The following SAMD11 variants were observed in gnomAD, a reference collection of about 807,000 sequenced individuals.
SAMD11 encodes the protein sterile alpha motif domain containing 11, also known as sterile alpha motif domain-containing protein 11.
A neutral mutation model predicts 64.4 loss-of-function variants in SAMD11; 77 were observed. The ratio of observed to expected loss-of-function variants is 1.20; its 90% confidence interval spans 0.99 to 1.44. The LOEUF is 1.44. Ranked by LOEUF, SAMD11 falls within the 40% of genes most tolerant of loss-of-function variation. The pLI is 0.00. For synonymous variants in SAMD11, 658 were observed against 421.9 expected, an observed-to-expected ratio of 1.56 and a Z score of -6.86; for missense variants, 1,402 against 943.3, an observed-to-expected ratio of 1.49 and a Z score of -6.37.
intron 4 of SAMD11, among the ~76,000 whole-genome samples, chr1:933,222 G>C (rs1309388323): frequency 6.6e-6 from 1 of 152,220 alleles, no homozygotes; most frequent in African/African-American, 2.4e-5. Flanking sequence ...ACTCTGGGAC[G>C]TCCAGGGCGT....
Position 942,965 on chromosome 1 carries a change from G to A in SAMD11, c.1960G>A (p.Ala654Thr). 1 of 1,543,754 alleles carries A rather than the reference G, an allele frequency of 6.5e-7. No homozygotes were observed. The highest frequency in any genetic ancestry group is 8.7e-7 in the Non-Finnish European group (1 of 1,146,112). Residue 654 changes from alanine (A) to threonine (T), a missense_variant, in exon 11 of 14, where the codon GCT becomes ACT. Transcript: ENST00000616016. ...CRGPTPGQAP[A>T]GGAGAEGKGL... is the part of the protein sequence containing the mutation. ...GGGGCCCACTCCGGGCCAAGCTCCA[G>A]CTGGAGGGGCCGGCGCCGAGGGGAA...
chr1:943,149 T>C (rs1641902828), intron 11 of SAMD11, 91 bp downstream of exon 11: 2 of 1,584,180 alleles, frequency 1.3e-6, no homozygotes, highest in Non-Finnish European at 8.6e-7. Flanking sequence ...AAATTCCCCT[T>C]AGGCACCCAT....
intron 5 of SAMD11, among the ~76,000 whole-genome samples, chr1:937,404 C>A (rs866847103): frequency 0.088 from 13,241 of 150,474 alleles, 1,134 homozygotes; most frequent in East Asian, 0.28. Flanking sequence ...CTGCCCCCCC[C>A]CCCACCCAGT....
At chr1:929,907 G>C (rs981689629) in intron 2 of SAMD11, among the ~76,000 whole-genome samples, 4 of 152,302 alleles carry the variant, frequency 2.6e-5, no homozygotes, top group Non-Finnish European at 5.9e-5. Context: ...CTGCGGCCCC[G>C]TCTCTCGGCT....
At chr1:935,414 C>T (rs1569887373) in intron 4 of SAMD11, among the ~76,000 whole-genome samples, 2 of 141,240 alleles carry the variant, frequency 1.4e-5, no homozygotes. Context: ...AGCAGATCGG[C>T]CTCTTCCCGG....
chr1:942,002 A>G (rs1641800818), intron 8 of SAMD11, 134 bp from the exon 9 acceptor site: 1 of 401,290 alleles, frequency 2.5e-6, no homozygotes, highest in Admixed American at 4.5e-5. Context: ...ATGGCGCGCG[A>G]CCTGGGGCCG....
chr1:938,315 G>A (rs755646670), intron 5 of SAMD11, among the ~76,000 whole-genome samples: 1 of 152,140 alleles, frequency 6.6e-6, no homozygotes, highest in Admixed American at 6.5e-5. Context: ...CACCTGCTGG[G>A]CTGTGTTTGG....
chr1:927,805 G>A (rs927539098), intron 2 of SAMD11, among the ~76,000 whole-genome samples: 2 of 152,244 alleles, frequency 1.3e-5, no homozygotes, highest in Admixed American at 6.5e-5. Context: ...TGTGGAGGAG[G>A]TGTGTTCTGT....
At chr1:935,579 G>A (rs1342695616) in intron 4 of SAMD11, among the ~76,000 whole-genome samples, 193 bp from the exon 5 acceptor site, 2 of 152,198 alleles carry the variant, frequency 1.3e-5, no homozygotes, top group South Asian at 2.1e-4. Flanking sequence ...GTTCTGTGTC[G>A]CTTTGACTCG....
intron 5 of SAMD11, among the ~76,000 whole-genome samples, chr1:938,191 G>C (rs2100339914): frequency 1.3e-5 from 2 of 152,298 alleles, no homozygotes; most frequent in South Asian, 4.1e-4. Context: ...CGGTCGGCAG[G>C]ACCCAAGGGA....
At chr1:926,144 G>T in intron 2 of SAMD11, 131 bp downstream of exon 2, 1 of 865,746 alleles carries the variant, frequency 1.2e-6, no homozygotes. Context: ...AGCCTCCGAA[G>T]GGCAGGGGGA....
At chr1:926,954 A>G (rs964004922) in intron 2 of SAMD11, among the ~76,000 whole-genome samples, 1 of 152,126 alleles carries the variant, frequency 6.6e-6, no homozygotes, top group Non-Finnish European at 1.5e-5. Flanking sequence ...GGCCTGAGGT[A>G]GGATGGGGGA....
rs1174041534 is a variant in SAMD11, at chr1:943,941, G to C, written c.2323G>C (p.Ala775Pro). 6.2e-7 allele frequency: 1 copy of C among 1,612,656 alleles called. No homozygotes were observed. Among genetic ancestry groups the C allele is most frequent in the Non-Finnish European group, 8.5e-7 (1 of 1,179,818 alleles). ...ARRLGRVFYVASFPVALPLQP... is the reference protein window; with the variant it reads ...ARRLGRVFYVPSFPVALPLQP... The stretch of plus-strand genomic sequence containing the variant: ...GCGCCTGGGCCGAGTTTTCTACGTG[G>C]CCAGCTTCCCCGTGGCTCTGCCACT... Residue 775 changes from alanine to proline, a missense_variant, in exon 14 of 14, where the codon GCC (alanine) becomes CCC (proline). Transcript: ENST00000616016.
At position 943,267 on chromosome 1, in the gene SAMD11, C is replaced by G. The variant is rs1350670813; in HGVS notation, c.2068C>G (p.Leu690Val). The G allele has an allele frequency of 1.9e-6, 3 of 1,612,776 alleles. No individual in the cohort carries two copies. The highest frequency in any genetic ancestry group is 2.7e-5 in the African/African-American group (2 of 74,922). ...PYFHTGAVGGLSMDGEEAPAP... is the reference protein window; with the variant it reads ...PYFHTGAVGGVSMDGEEAPAP... ...CCACAACTCAGGCGCGGTAGGGGGACTCTCCATGGATGGGGAGGAGGCCCC... is the reference window on the plus strand; with the variant it reads ...CCACAACTCAGGCGCGGTAGGGGGAGTCTCCATGGATGGGGAGGAGGCCCC... Residue 690 changes from leucine (L) to valine (V), a missense_variant, in exon 12 of 14, where the codon CTC (leucine) becomes GTC (valine). By Grantham distance (32) the Leu-to-Val change is conservative. Coordinates refer to ENST00000616016, the MANE Select transcript of SAMD11 (RefSeq NM_001385641.1).
chr1:935,917 G>A (rs752272141), intron 5 of SAMD11, 21 bp downstream of exon 5: 1 of 1,609,944 alleles, frequency 6.2e-7, no homozygotes, highest in Non-Finnish European at 8.5e-7. Context: ...CAGGGGGCCT[G>A]AGGGCGGGGT....
Position 942,123 on chromosome 1 carries a change from C to A in SAMD11, c.1359-13C>A. 2 of 1,071,926 alleles carry A rather than the reference C, an allele frequency of 1.9e-6. No homozygotes were observed. The highest frequency in any genetic ancestry group is 2.6e-6 in the Non-Finnish European group (2 of 768,410). The allele number at this position is 1,071,926 out of a possible 1,614,324, so 66.4% of individuals were successfully genotyped here. On this transcript the variant is annotated splice_polypyrimidine_tract_variant and intron_variant, in intron 8 of 13. Coordinates refer to ENST00000616016, the MANE Select transcript of SAMD11 (RefSeq NM_001385641.1). ...GGCGGGGGGGACGCCGCTCATTGCG[C>A]TGCCGTCCACAGGGAGCTGCCTCAG...
At chr1:932,933 G>C (rs1469117568) in intron 4 of SAMD11, among the ~76,000 whole-genome samples, 1 of 152,256 alleles carries the variant, frequency 6.6e-6, no homozygotes, top group Non-Finnish European at 1.5e-5. Flanking sequence ...GCAAGGGCTA[G>C]GCCGTGTGGT....
At chr1:931,324 C>G (rs1641162533) in intron 4 of SAMD11, among the ~76,000 whole-genome samples, 1 of 152,238 alleles carries the variant, frequency 6.6e-6, no homozygotes, top group Non-Finnish European at 1.5e-5. Context: ...AGATGCAGCT[C>G]TCGGCAGCAG....
Position 935,809 on chromosome 1 carries a change from C to T in SAMD11, c.880C>T (p.His294Tyr). The change falls in exon 5 of 14, where the codon CAC becomes TAC. Residue 294 changes from histidine (H) to tyrosine (Y), a missense_variant. Physicochemically the swap from His to Tyr is moderately conservative, Grantham distance 83. Coordinates refer to ENST00000616016, the MANE Select transcript of SAMD11 (RefSeq NM_001385641.1). ...CCTTCCCACCCTCATATCCAGCGTC[C>T]ACCGCAGCCGCCACCTCGTTATGCC... is the stretch of plus-strand genomic sequence containing the variant. ...GNLPTLISSVHRSRHLVMPEH... is the reference protein window; with the variant it reads ...GNLPTLISSVYRSRHLVMPEH... The T allele has an allele frequency of 1.2e-6, 2 of 1,613,468 alleles. No individual in the cohort carries two copies. The highest frequency in any genetic ancestry group is 1.1e-5 in the South Asian group (1 of 91,082).
Sources: allele counts gnomAD v4.1 joint callset (sites outside exome capture counted in the v4.1 genomes callset), GRCh38; gene constraint gnomAD v4.1.1; transcripts MANE v1.5; gene names NCBI Gene and HGNC (gene_info 2026-07-23, HGNC 2026-07-21).